The following LEKR1 variants were observed in gnomAD, a reference collection of about 807,000 sequenced individuals.
The protein encoded by LEKR1 is protein LEKR1.
Under a neutral mutation model 72.4 loss-of-function variants are expected in LEKR1, and 59 were observed. The ratio of observed to expected loss-of-function variants is 0.82; its 90% CI spans 0.66 to 1.01. LEKR1 has a LOEUF of 1.01. Ranked by LOEUF, LEKR1 falls within the 50% of genes least tolerant of loss-of-function variation. LEKR1 has a pLI of 0.00. For synonymous variants in LEKR1, 257 were observed against 263.2 expected (o/e 0.98, Z 0.23); for missense variants, 728 against 759.2 (o/e 0.96, Z 0.48).
intron 10 of LEKR1, among the ~76,000 whole-genome samples, chr3:157,017,958 A>G (rs1373352711): frequency 1.3e-5 from 2 of 149,896 alleles, no homozygotes; most frequent in African/African-American, 4.9e-5. Flanking sequence ...CAAAAAAAAA[A>G]AAAAAAAAAA....
chr3:157,017,970 A>T (rs1733507405), intron 10 of LEKR1, among the ~76,000 whole-genome samples: 1 of 151,234 alleles, frequency 6.6e-6, no homozygotes, highest in African/African-American at 2.4e-5. Context: ...AAAAAAAAAA[A>T]AAGAAAGCTG....
chr3:156,909,337 T>G (rs1408748946), intron 3 of LEKR1, among the ~76,000 whole-genome samples: 1 of 152,196 alleles, frequency 6.6e-6, no homozygotes, highest in African/African-American at 2.4e-5. Flanking sequence ...TATTTTCTAT[T>G]TGGCCCAAGG....
intron 6 of LEKR1, among the ~76,000 whole-genome samples, chr3:156,947,028 G>T (rs1726745252): frequency 6.7e-6 from 1 of 150,130 alleles, no homozygotes; most frequent in African/African-American, 2.4e-5. Context: ...TTTATTAGTT[G>T]GGTTAAAGGT....
At chr3:156,952,229 G>A (rs1456211869) in intron 6 of LEKR1, among the ~76,000 whole-genome samples, 8 of 151,420 alleles carry the variant, frequency 5.3e-5, no homozygotes, top group African/African-American at 1.9e-4. Flanking sequence ...ATGGCCCCAG[G>A]AGTTGTAGAT....
intron 12 of LEKR1, among the ~76,000 whole-genome samples, chr3:157,040,833 C>G (rs898173751): frequency 1.3e-5 from 2 of 152,138 alleles, no homozygotes; most frequent in African/African-American, 2.4e-5. Flanking sequence ...ATGTTCCCCC[C>G]AAAATTGTGC....
In LEKR1 at chr3:156,863,925, C is replaced by T. The variant is rs372565820; in HGVS notation, c.263+10943C>T. On this transcript the variant is annotated intron_variant, in intron 3 of 12. Transcript: ENST00000356539. The stretch of plus-strand genomic sequence containing the variant: ...AGCCATCCAGTGTTAGCAACTCAAC[C>T]AGGGTTGGTTGAGTTGACAGAACTG... 3.0e-4 allele frequency among the ~76,000 whole-genome samples: 45 copies of T among 152,058 alleles called. No homozygotes were observed. In the East Asian group the frequency reaches 4.6e-3, roughly 16 times the overall value.
chr3:157,043,515 A>C (rs1735521941), intron 12 of LEKR1, among the ~76,000 whole-genome samples: 1 of 151,812 alleles, frequency 6.6e-6, no homozygotes, highest in Admixed American at 6.6e-5. Flanking sequence ...GTAATGAATT[A>C]GACAACTAAT....
chr3:156,876,944 T>A (rs146394185), intron 3 of LEKR1, among the ~76,000 whole-genome samples: 1 of 108,966 alleles, frequency 9.2e-6, no homozygotes, highest in East Asian at 4.2e-4. Context: ...TTCAGTATAA[T>A]GTTGGCTGTC....
intron 12 of LEKR1, among the ~76,000 whole-genome samples, chr3:157,033,453 A>G (rs548466110): frequency 6.6e-6 from 1 of 152,194 alleles, no homozygotes; most frequent in Non-Finnish European, 1.5e-5. Flanking sequence ...TCTAGGTAGA[A>G]GATCAAACCA....
chr3:156,837,666 A>G (rs570648828), intron 2 of LEKR1, among the ~76,000 whole-genome samples: 2 of 152,238 alleles, frequency 1.3e-5, no homozygotes, highest in East Asian at 1.9e-4. Context: ...GTGAATATTC[A>G]TAGCACAAAG....
At chr3:156,968,943 A>AGTG in intron 6 of LEKR1, among the ~76,000 whole-genome samples, 1 of 152,354 alleles carries the variant, frequency 6.6e-6, no homozygotes, top group South Asian at 2.1e-4. Flanking sequence ...ACCACAGTGC[A>AGTG]ATCAAACTAG....
At chr3:156,949,769 CTGTT>C (rs574671025) in intron 6 of LEKR1, among the ~76,000 whole-genome samples, 46 of 151,218 alleles carry the variant, frequency 3.0e-4, no homozygotes, top group Non-Finnish European at 6.1e-4. Flanking sequence ...TAAAGAAAAG[CTGTT>C]TGTTTCAGTT....
chr3:156,935,603 A>T (rs1385935802), intron 5 of LEKR1, among the ~76,000 whole-genome samples: 1 of 152,194 alleles, frequency 6.6e-6, no homozygotes, highest in African/African-American at 2.4e-5. Flanking sequence ...ATAGAAAAAA[A>T]TAAATTGAAT....
rs753333172 is a variant in LEKR1 at position 157,028,188 on chromosome 3, G to A, written c.1454G>A (p.Arg485Gln). The change falls in exon 12 of 13, where the codon CGG becomes CAG. Residue 485 changes from arginine (R) to glutamine (Q), a missense_variant. Arg to Gln is a conservative substitution (Grantham distance 43, BLOSUM62 1). Transcript: ENST00000356539. The part of the protein sequence containing the change: ...LKEKLHKSHI[R>Q]YTEESNSKEK... The stretch of plus-strand genomic sequence containing the variant: ...GAAAAACTTCACAAATCCCATATTC[G>A]GTACACTGAAGAATCTAATTCAAAG... 19 of 1,611,840 alleles carry A rather than the reference G, an allele frequency of 1.2e-5. No individual in the cohort carries two copies. The East Asian group carries it at 1.3e-4, about 11-fold the overall frequency.
intron 3 of LEKR1, among the ~76,000 whole-genome samples, chr3:156,904,358 C>A (rs1722321216): frequency 6.6e-6 from 1 of 151,150 alleles, no homozygotes; most frequent in African/African-American, 2.4e-5. Flanking sequence ...GAAAAATACA[C>A]TAAACCCTTT....
chr3:156,881,877 C>T (rs1302082227), intron 3 of LEKR1, among the ~76,000 whole-genome samples: 1 of 146,502 alleles, frequency 6.8e-6, no homozygotes, highest in Admixed American at 6.9e-5. Context: ...CTTTGACAAA[C>T]CTGACAAAAA....
At position 156,833,542 on chromosome 3, in the gene LEKR1, A is replaced by G. The variant is rs140103706; in HGVS notation, c.48+4165A>G. On this transcript the variant is annotated intron_variant, in intron 2 of 12. Coordinates refer to ENST00000356539, the MANE Select transcript of LEKR1 (RefSeq NM_001004316.3). Reference sequence around the variant, plus strand: ...TTATAGGAATCTTGCACAATTCTGGAACACATACCAATAACACTTTCATAT... The same window carrying G: ...TTATAGGAATCTTGCACAATTCTGGGACACATACCAATAACACTTTCATAT... Among the ~76,000 whole-genome samples the G allele has an allele frequency of 2.0e-5, 3 of 152,274 alleles. No individual in the cohort carries two copies. The East Asian group carries it at 5.8e-4, about 29-fold the overall frequency.
rs555724888 is a variant in LEKR1, at chr3:156,862,338, CAAAT to C, written c.263+9360_263+9363del. Among the ~76,000 whole-genome samples, 55 of 152,014 alleles carry C rather than the reference CAAAT, an allele frequency of 3.6e-4. 1 individual carries two copies. In the South Asian group the frequency reaches 0.01, roughly 29 times the overall value. ...TAAAATTAGTTACTTATTATTATAA[CAAAT>C]AAAATAATTTTTATTGGCATAAACA... On this transcript the variant is annotated intron_variant, in intron 3 of 12. Transcript: ENST00000356539.
chr3:156,859,343 C>T (rs1280917263), intron 3 of LEKR1, among the ~76,000 whole-genome samples: 1 of 151,996 alleles, frequency 6.6e-6, no homozygotes, highest in Admixed American at 6.6e-5. Flanking sequence ...ATAGAATATC[C>T]TTCTTGACCT....
Sources: allele counts gnomAD v4.1 joint callset (sites outside exome capture counted in the v4.1 genomes callset), GRCh38; gene constraint gnomAD v4.1.1; transcripts MANE v1.5; gene names NCBI Gene and HGNC (gene_info 2026-07-23, HGNC 2026-07-21).